The following TIAM2 variants were observed in gnomAD, a reference collection of about 807,000 sequenced individuals.
TIAM2 encodes TIAM Rac1 associated GEF 2, also known as rho guanine nucleotide exchange factor TIAM2.
A neutral mutation model predicts 152.9 loss-of-function variants in TIAM2; 80 were observed. The ratio of observed to expected loss-of-function variants is 0.52; its 90% CI spans 0.44 to 0.63. The LOEUF (loss-of-function observed/expected upper bound fraction) is 0.63. Ranked by LOEUF, TIAM2 falls within the 30% of genes least tolerant of loss-of-function variation. The pLI, the probability that TIAM2 is intolerant of heterozygous loss-of-function variation, is 0.00. For synonymous variants in TIAM2, 804 were observed against 838.0 expected, an observed-to-expected ratio of 0.96 and a Z score of 0.70; for missense variants, 1,965 against 2,120.1, an observed-to-expected ratio of 0.93 and a Z score of 1.44.
intron 4 of TIAM2, among the ~76,000 whole-genome samples, chr6:155,136,585 A>G (rs758736359): frequency 3.9e-5 from 6 of 152,092 alleles, no homozygotes; most frequent in African/African-American, 7.2e-5. Flanking sequence ...TATTTTTACT[A>G]TATGAACTGG....
intron 1 of TIAM2, among the ~76,000 whole-genome samples, chr6:155,083,192 T>C (rs2114969526): frequency 6.6e-6 from 1 of 151,560 alleles, no homozygotes; most frequent in South Asian, 2.1e-4. Context: ...CTACTAAAAG[T>C]ACAAAAATTA....
intron 15 of TIAM2, among the ~76,000 whole-genome samples, chr6:155,231,073 A>G (rs969072335): frequency 4.6e-5 from 7 of 151,782 alleles, no homozygotes; most frequent in African/African-American, 1.7e-4. Flanking sequence ...GACTCCTGAC[A>G]TCAAGTGATC....
rs749195820 is a variant in TIAM2, at chr6:155,182,238, C to T, written c.2720C>T (p.Thr907Ile). Residue 907 changes from threonine (T) to isoleucine (I), a missense_variant, in exon 13 of 27, where the codon ACA (threonine) becomes ATA (isoleucine). Transcript: ENST00000682666. ...GSVCDFGFAV[T>I]AQVDERQHLS... ...TTTTCATTCCTAGGGTTTGCAGTTA[C>T]AGCGCAGGTGGATGAGCGTCAGCAT... 1.2e-5 allele frequency: 19 copies of T among 1,613,996 alleles called. No homozygotes were observed. Among genetic ancestry groups the T allele is most frequent in the Non-Finnish European group, 1.4e-5 (16 of 1,179,966 alleles).
intron 1 of TIAM2, among the ~76,000 whole-genome samples, chr6:155,066,366 A>G (rs1171263929): frequency 6.6e-6 from 1 of 152,252 alleles, no homozygotes; most frequent in African/African-American, 2.4e-5. Context: ...TGTTTACATC[A>G]CATTACATGT....
intron 15 of TIAM2, among the ~76,000 whole-genome samples, chr6:155,211,658 T>C (rs1302332037): frequency 1.7e-5 from 1 of 59,352 alleles, no homozygotes; most frequent in Non-Finnish European, 3.0e-5. Flanking sequence ...TCTTTCTTAC[T>C]TTTTTTTTTT....
Position 155,182,269 on chromosome 6 carries a change from C to A in TIAM2, c.2751C>A (p.Ser917Arg), listed in dbSNP as rs370917296. Residue 917 changes from serine (S) to arginine (R), a missense_variant, in exon 13 of 27, where the codon AGC becomes AGA. Ser to Arg is a moderately radical substitution (Grantham distance 110). This residue lies in a region of TIAM2 where 935 missense variants were observed against 980.0 expected (regional missense o/e 0.95). Transcript: ENST00000682666. Reference sequence around the variant, plus strand: ...AGGTGGATGAGCGTCAGCATCTCAGCCGGATATTTATAAGCGACGTTCTTC... The same window carrying A: ...AGGTGGATGAGCGTCAGCATCTCAGACGGATATTTATAAGCGACGTTCTTC... ...TAQVDERQHL[S>R]RIFISDVLPD... is the part of the protein sequence containing the mutation. The A allele has an allele frequency of 7.2e-5, 117 of 1,614,148 alleles. 3 individuals carry two copies. Among genetic ancestry groups the A allele is most frequent in the East Asian group, 2.7e-4 (12 of 44,888 alleles).
In TIAM2 at chr6:155,247,995, T is replaced by C. The variant is rs991434041; in HGVS notation, c.3653-5T>C. On this transcript the variant is annotated splice_region_variant and splice_polypyrimidine_tract_variant and intron_variant, in intron 19 of 26. Transcript: ENST00000682666. ...TTCTGAGGTCTTTTATCCATCTGCT[T>C]GTAGCTAAAACTGACAAAGCCTTCA... 1 of 1,613,220 alleles carries C rather than the reference T, an allele frequency of 6.2e-7. No homozygotes were observed. The highest frequency in any genetic ancestry group is 2.2e-5 in the East Asian group (1 of 44,868).
At position 155,052,787 on chromosome 6, in the gene TIAM2, A is replaced by G. The variant is rs554434749; in HGVS notation, c.-208-37502A>G. ...AAACTCCATCTCAAAAAAAAAAAAAAAAAGAAAGAAATTGATAGCCTGATA... is the reference window on the plus strand; with the variant it reads ...AAACTCCATCTCAAAAAAAAAAAAAGAAAGAAAGAAATTGATAGCCTGATA... On this transcript the variant is annotated intron_variant, in intron 1 of 26. Coordinates refer to ENST00000682666, the MANE Select transcript of TIAM2 (RefSeq NM_012454.4). Among the ~76,000 whole-genome samples the G allele has an allele frequency of 1.4e-3, 209 of 152,066 alleles. 3 individuals carry two copies. The highest frequency in any genetic ancestry group is 0.011 in the Admixed American group (175 of 15,248).
chr6:155,104,043 C>T, intron 2 of TIAM2, among the ~76,000 whole-genome samples: 1 of 90,898 alleles, frequency 1.1e-5, no homozygotes, highest in East Asian at 2.2e-4. Context: ...CACACACACC[C>T]CCCCCCCCAC....
At chr6:155,068,215 C>G (rs953020820) in intron 1 of TIAM2, among the ~76,000 whole-genome samples, 3 of 152,158 alleles carry the variant, frequency 2.0e-5, no homozygotes, top group Admixed American at 6.6e-5. Context: ...GCGTGTGTGT[C>G]TCCTGGCCTT....
intron 1 of TIAM2, among the ~76,000 whole-genome samples, chr6:155,040,656 C>T (rs1179131257): frequency 1.3e-5 from 2 of 152,038 alleles, no homozygotes; most frequent in African/African-American, 4.8e-5. Flanking sequence ...GTAGCTGGGA[C>T]TACAGGTATG....
intron 4 of TIAM2, among the ~76,000 whole-genome samples, chr6:155,135,722 A>G (rs897350643): frequency 2.0e-5 from 3 of 152,192 alleles, no homozygotes; most frequent in African/African-American, 7.2e-5. Context: ...ATAAGTATGC[A>G]TTGTATTTAG....
chr6:155,143,537 C>A (rs1323331991), intron 5 of TIAM2, among the ~76,000 whole-genome samples: 1 of 152,164 alleles, frequency 6.6e-6, no homozygotes, highest in Non-Finnish European at 1.5e-5. Context: ...AAAGGAAATA[C>A]TAAAAATTAA....
chr6:155,025,342 T>C lies in TIAM2; in HGVS notation c.-209+29850T>C, dbSNP rs543391052. Among the ~76,000 whole-genome samples the C allele has an allele frequency of 7.5e-4, 114 of 152,100 alleles. 1 individual carries two copies. Among genetic ancestry groups the C allele is most frequent in the African/African-American group, 2.7e-3 (111 of 41,494 alleles). On this transcript the variant is annotated intron_variant, in intron 1 of 26. Transcript: ENST00000682666. ...CTGAGTAGCTGGGACTACAGGCGCCTGCCACCACGCCCGGCTAATTTTTTG... is the reference window on the plus strand; with the variant it reads ...CTGAGTAGCTGGGACTACAGGCGCCCGCCACCACGCCCGGCTAATTTTTTG...
intron 1 of TIAM2, among the ~76,000 whole-genome samples, chr6:155,010,329 G>T (rs1778465403): frequency 6.6e-6 from 1 of 152,354 alleles, no homozygotes; most frequent in African/African-American, 2.4e-5. Context: ...ATTTCTAGTA[G>T]AACTGGGGAA....
chr6:155,061,839 A>T (rs1463096164), intron 1 of TIAM2, among the ~76,000 whole-genome samples: 1 of 152,160 alleles, frequency 6.6e-6, no homozygotes, highest in Non-Finnish European at 1.5e-5. Context: ...AAAAATTTGT[A>T]TGACAGTTTA....
intron 15 of TIAM2, among the ~76,000 whole-genome samples, chr6:155,221,138 A>AC (rs1782031778): frequency 6.9e-6 from 1 of 144,842 alleles, no homozygotes; most frequent in South Asian, 2.2e-4. Flanking sequence ...AAAAAAAAAA[A>AC]ACAAAAAAAA....
At chr6:155,175,541 AT>A (rs1174306181) in intron 9 of TIAM2, among the ~76,000 whole-genome samples, 1 of 152,182 alleles carries the variant, frequency 6.6e-6, no homozygotes, top group Non-Finnish European at 1.5e-5. Context: ...GTAACAAGTA[AT>A]TTTTTCAATA....
chr6:155,242,373 A>G (rs999144725), intron 16 of TIAM2, among the ~76,000 whole-genome samples: 9 of 152,218 alleles, frequency 5.9e-5, no homozygotes, highest in Admixed American at 3.3e-4. Context: ...GATCCCCTGC[A>G]TGCTCCTTGA....
Sources: allele counts gnomAD v4.1 joint callset (sites outside exome capture counted in the v4.1 genomes callset), GRCh38; gene constraint gnomAD v4.1.1; regional missense constraint gnomAD v4.1.1; transcripts MANE v1.5; gene names NCBI Gene and HGNC (gene_info 2026-07-23, HGNC 2026-07-21).